The following TYR variants were observed in gnomAD, a reference collection of about 807,000 sequenced individuals.
TYR encodes the protein LB24-AB.
A neutral mutation model predicts 51.5 loss-of-function variants in TYR; 58 were observed. The observed-to-expected ratio is 1.13, with a 90% CI of 0.91 to 1.40. The LOEUF is 1.40. TYR is among the 40% of genes most tolerant of loss of function. The probability of loss-of-function intolerance (pLI) is 0.00; values close to 1 mark genes in which losing one functional copy is unlikely to be tolerated. For missense variants in TYR, 732 were observed against 647.4 expected (o/e 1.13, Z -1.42); for synonymous variants, 263 against 235.2 (o/e 1.12, Z -1.08).
chr11:89,208,702 A>G (rs1412172307), intron 2 of TYR, among the ~76,000 whole-genome samples: 2 of 152,200 alleles, frequency 1.3e-5, no homozygotes, highest in Admixed American at 6.5e-5. Context: ...AATTTTAATC[A>G]CTAACATATA....
At chr11:89,257,288 T>C (rs1245226241) in intron 3 of TYR, among the ~76,000 whole-genome samples, 1 of 151,970 alleles carries the variant, frequency 6.6e-6, no homozygotes, top group African/African-American at 2.4e-5. Flanking sequence ...CAGGCATTGA[T>C]ACACATTTAC....
chr11:89,268,780 C>T (rs1003352132), intron 3 of TYR, among the ~76,000 whole-genome samples: 1 of 151,858 alleles, frequency 6.6e-6, no homozygotes, highest in Non-Finnish European at 1.5e-5. Context: ...CCCACCTCCA[C>T]CTCTCTGGGC....
intron 1 of TYR, among the ~76,000 whole-genome samples, chr11:89,187,354 G>C (rs946718602): frequency 1.3e-5 from 2 of 152,064 alleles, no homozygotes; most frequent in Admixed American, 1.3e-4. Context: ...AAAATCAAAG[G>C]GGATGTGATT....
intron 1 of TYR, 62 bp downstream of exon 1, chr11:89,178,834 G>A (rs1029554094): frequency 3.2e-6 from 5 of 1,565,604 alleles, no homozygotes; most frequent in African/African-American, 1.4e-5. Context: ...ACTTCTTCAG[G>A]CAGGGTATAA....
In TYR at chr11:89,227,795, A is replaced by G. The variant is rs1228189912; in HGVS notation, c.1037-28A>G. The G allele has an allele frequency of 7.5e-6, 12 of 1,603,074 alleles. No individual in the cohort carries two copies. The East Asian group carries it at 2.5e-4, about 33-fold the overall frequency. ...GGTTTTCAGTCATTAAAGTAAACAT[A>G]TTTTTTTCATTTTTTTTTAATGAAC... On this transcript the variant is annotated intron_variant, in intron 2 of 4. Coordinates refer to ENST00000263321, the MANE Select transcript of TYR (RefSeq NM_000372.5).
In TYR at chr11:89,281,613, G is replaced by T. The variant is rs190269220; in HGVS notation, c.1185-3160G>T. Among the ~76,000 whole-genome samples the T allele has an allele frequency of 1.9e-3, 294 of 151,852 alleles. 1 individual carries two copies. The highest frequency in any genetic ancestry group is 6.9e-3 in the African/African-American group (287 of 41,484). On this transcript the variant is annotated intron_variant, in intron 3 of 4. Coordinates refer to ENST00000263321, the MANE Select transcript of TYR (RefSeq NM_000372.5). ...AGATCTCAGCTATGTACCTCTGGAT[G>T]AACCCATCTCTCCACTTTTGAGGAT... is the stretch of plus-strand genomic sequence containing the variant.
chr11:89,182,504 G>A (rs1276300952), intron 1 of TYR, among the ~76,000 whole-genome samples: 1 of 152,158 alleles, frequency 6.6e-6, no homozygotes, highest in Non-Finnish European at 1.5e-5. Flanking sequence ...GACAATACAA[G>A]AGAGAAGATG....
intron 2 of TYR, among the ~76,000 whole-genome samples, chr11:89,203,005 A>G (rs1943620153): frequency 6.6e-6 from 1 of 152,206 alleles, no homozygotes. Flanking sequence ...TTTGATTCAT[A>G]TAACATAAAT....
chr11:89,202,859 C>T (rs993915697), intron 2 of TYR, among the ~76,000 whole-genome samples: 1 of 152,048 alleles, frequency 6.6e-6, no homozygotes, highest in Non-Finnish European at 1.5e-5. Flanking sequence ...GCTTATACTT[C>T]TCTTCATTGC....
chr11:89,286,246 G>A (rs1488145367), intron 4 of TYR, among the ~76,000 whole-genome samples: 2 of 151,800 alleles, frequency 1.3e-5, no homozygotes, highest in Non-Finnish European at 2.9e-5. Flanking sequence ...GGATATGCTA[G>A]GCAAAGAGAA....
intron 3 of TYR, among the ~76,000 whole-genome samples, chr11:89,242,523 T>C (rs960029852): frequency 1.3e-5 from 2 of 152,106 alleles, no homozygotes; most frequent in African/African-American, 4.8e-5. Context: ...TTATTGACTT[T>C]ATAGCACATA....
At chr11:89,215,897 C>T (rs1943826299) in intron 2 of TYR, among the ~76,000 whole-genome samples, 1 of 152,074 alleles carries the variant, frequency 6.6e-6, no homozygotes, top group Admixed American at 6.5e-5. Flanking sequence ...TCTGTTCTAT[C>T]TGTTTATGTA....
In TYR at chr11:89,295,573, TC is replaced by T; in HGVS notation, c.*211del. On this transcript the variant is annotated 3_prime_UTR_variant, in exon 5 of 5. Transcript: ENST00000263321. Reference sequence around the variant, plus strand: ...TTTTCACTCAGCCCTTTTAACATTTTCCCCTAAGCCCATATGTCTAAGGAAA... The same window carrying T: ...TTTTCACTCAGCCCTTTTAACATTTTCCCTAAGCCCATATGTCTAAGGAAA... 3.2e-6 allele frequency: 2 copies of T among 618,296 alleles called. No homozygotes were observed. The highest frequency in any genetic ancestry group is 5.6e-6 in the Non-Finnish European group (2 of 356,062). 38.3% of individuals were successfully genotyped at this position (618,296 alleles called of 1,614,324 possible).
At chr11:89,245,042 A>G (rs1174021209) in intron 3 of TYR, among the ~76,000 whole-genome samples, 2 of 152,248 alleles carry the variant, frequency 1.3e-5, no homozygotes, top group African/African-American at 4.8e-5. Flanking sequence ...CACTATGCCT[A>G]GCATAAGATA....
chr11:89,224,679 T>C (rs1943954772), intron 2 of TYR, among the ~76,000 whole-genome samples: 3 of 151,508 alleles, frequency 2.0e-5, no homozygotes, highest in Non-Finnish European at 4.4e-5. Context: ...CAGAAGAGCC[T>C]ATCTTCCACC....
intron 1 of TYR, among the ~76,000 whole-genome samples, chr11:89,190,889 A>G (rs978703396): frequency 1.3e-5 from 2 of 152,166 alleles, no homozygotes; most frequent in South Asian, 2.1e-4. Context: ...ACAATTGCCT[A>G]TAGTATTCAG....
intron 3 of TYR, among the ~76,000 whole-genome samples, chr11:89,275,487 A>T (rs549753639): frequency 9.0e-4 from 137 of 152,068 alleles, no homozygotes; most frequent in Middle Eastern, 3.4e-3. Context: ...TAGTTGAGTT[A>T]CTATTGGCAA....
At chr11:89,237,425 T>A (rs1373283755) in intron 3 of TYR, among the ~76,000 whole-genome samples, 1 of 152,170 alleles carries the variant, frequency 6.6e-6, no homozygotes, top group African/African-American at 2.4e-5. Context: ...AATGTGACTA[T>A]CCAGTGGTCT....
chr11:89,213,034 C>A (rs1349181710), intron 2 of TYR, among the ~76,000 whole-genome samples: 1 of 152,064 alleles, frequency 6.6e-6, no homozygotes, highest in Non-Finnish European at 1.5e-5. Flanking sequence ...CAGCACAAGA[C>A]AAGGATGCCC....
Sources: gnomAD v4.1 joint callset for allele counts (sites outside exome capture counted in the v4.1 genomes callset) on GRCh38, gnomAD v4.1.1 for gene constraint, MANE v1.5 for transcripts, NCBI Gene and HGNC (gene_info 2026-07-23, HGNC 2026-07-21) for gene names.